The following ZFYVE28 variants were observed in gnomAD, a reference collection of about 807,000 sequenced individuals.
ZFYVE28 encodes the protein zinc finger FYVE-type containing 28.
Under a neutral mutation model 82.1 loss-of-function variants are expected in ZFYVE28, and 40 were observed. The ratio of observed to expected loss-of-function variants is 0.49; its 90% CI spans 0.38 to 0.63. The LOEUF (loss-of-function observed/expected upper bound fraction) is 0.63, where lower values mean the gene tolerates loss of function less well. Among genes scored for constraint, ZFYVE28 ranks in the 30% least tolerant of loss-of-function variants. ZFYVE28 has a pLI of 0.00. For missense variants in ZFYVE28, 1,321 were observed against 1,242.1 expected (o/e 1.06, Z -0.96); for synonymous variants, 612 against 546.1 (o/e 1.12, Z -1.68).
At position 2,320,297 on chromosome 4, in the gene ZFYVE28, A is replaced by C; in HGVS notation, c.702-26T>G. On this transcript the variant is annotated intron_variant, in intron 6 of 12. Coordinates refer to ENST00000290974, the MANE Select transcript of ZFYVE28 (RefSeq NM_020972.3). The surrounding 1 kb of genome is among the most constrained non-coding windows in gnomAD (Gnocchi z 5.1). ...CTGCATTTGAGACACAAAAGCCAGG[A>C]TGTCAGGCCCTGTGGCCCCCTGGGT... is the stretch of plus-strand genomic sequence containing the variant. The C allele has an allele frequency of 6.2e-7, 1 of 1,606,692 alleles. No homozygotes were observed. The highest frequency in any genetic ancestry group is 8.5e-7 in the Non-Finnish European group (1 of 1,175,406).
chr4:2,391,455 CTTTTTT>C lies in ZFYVE28; in HGVS notation c.39+26824_39+26829del, dbSNP rs140103966. On this transcript the variant is annotated intron_variant, in intron 1 of 12. Transcript: ENST00000290974. ...AGCTAGCACTTAGGAGGTCAATTAT[CTTTTTT>C]TTTTTTTTTTTTTTTACTGTGGTAA... Among the ~76,000 whole-genome samples the C allele has an allele frequency of 2.6e-5, 3 of 117,224 alleles. No homozygotes were observed. The South Asian group carries it at 8.7e-4, about 34-fold the overall frequency. 76.9% of individuals were successfully genotyped at this position (117,224 alleles called of 152,430 possible). A position where few individuals can be genotyped will look rare whatever the true frequency, so the allele number is the denominator to read the frequency against.
At chr4:2,273,825 C>T (rs1005001302) in intron 9 of ZFYVE28, among the ~76,000 whole-genome samples, 2 of 152,112 alleles carry the variant, frequency 1.3e-5, no homozygotes, top group Non-Finnish European at 2.9e-5. Context: ...CTGCCCCCGC[C>T]GCCACTCCCT....
intron 1 of ZFYVE28, among the ~76,000 whole-genome samples, chr4:2,355,685 C>T (rs1052822491): frequency 6.6e-6 from 1 of 152,160 alleles, no homozygotes; most frequent in Non-Finnish European, 1.5e-5. Context: ...TCAAGAGATC[C>T]TCCTGCCTCA....
At chr4:2,279,515 C>T (rs1487529186) in intron 8 of ZFYVE28, among the ~76,000 whole-genome samples, 1 of 152,166 alleles carries the variant, frequency 6.6e-6, no homozygotes, top group Non-Finnish European at 1.5e-5. Context: ...TGCAGTGGCT[C>T]ACACCTGTAA....
At chr4:2,314,550 T>G (rs903044540) in intron 7 of ZFYVE28, among the ~76,000 whole-genome samples, 2 of 152,238 alleles carry the variant, frequency 1.3e-5, no homozygotes, top group Non-Finnish European at 2.9e-5. Context: ...TATTTTAGTG[T>G]TATCCTAATA....
intron 1 of ZFYVE28, among the ~76,000 whole-genome samples, chr4:2,366,970 G>A (rs1246111071): frequency 1.3e-5 from 2 of 152,190 alleles, no homozygotes; most frequent in Admixed American, 6.5e-5. Flanking sequence ...CTAGCAAAGC[G>A]TTTTCAAAGG....
chr4:2,310,065 G>C (rs150871057), intron 7 of ZFYVE28, among the ~76,000 whole-genome samples: 3 of 151,680 alleles, frequency 2.0e-5, no homozygotes, highest in Middle Eastern at 3.4e-3. Flanking sequence ...TTGAGATAAT[G>C]TCTTGCGCTG....
chr4:2,335,797 G>A lies in ZFYVE28; in HGVS notation c.612-3C>T. The A allele has an allele frequency of 6.4e-7, 1 of 1,557,426 alleles. No individual in the cohort carries two copies. Among genetic ancestry groups the A allele is most frequent in the Non-Finnish European group, 8.7e-7 (1 of 1,150,330 alleles). The stretch of plus-strand genomic sequence containing the variant: ...TCAGGTACCCGAAGTCCAGGGCCCT[G>A]TCCGGGGAGACGGACAGTGAGCAGC... On this transcript the variant is annotated splice_region_variant and splice_polypyrimidine_tract_variant and intron_variant, in intron 5 of 12. Coordinates refer to ENST00000290974, the MANE Select transcript of ZFYVE28 (RefSeq NM_020972.3). The surrounding 1 kb of genome is among the most constrained non-coding windows in gnomAD (Gnocchi z 5.8).
At chr4:2,403,938 C>T (rs1337903401) in intron 1 of ZFYVE28, among the ~76,000 whole-genome samples, 1 of 148,388 alleles carries the variant, frequency 6.7e-6, no homozygotes, top group African/African-American at 2.5e-5. Flanking sequence ...CATTGCACTC[C>T]AGCCTGGGTG....
intron 10 of ZFYVE28, among the ~76,000 whole-genome samples, chr4:2,272,907 C>T (rs539322439): frequency 6.6e-6 from 1 of 152,338 alleles, no homozygotes; most frequent in Admixed American, 6.5e-5. Context: ...CCCATCTGCT[C>T]GTTTGCAGGG....
At chr4:2,358,674 A>G (rs777426627) in intron 1 of ZFYVE28, among the ~76,000 whole-genome samples, 1 of 152,146 alleles carries the variant, frequency 6.6e-6, no homozygotes, top group Non-Finnish European at 1.5e-5. Flanking sequence ...GTGGGGTTGG[A>G]TGAGGCAGAT....
chr4:2,384,916 G>C (rs79132652), intron 1 of ZFYVE28, among the ~76,000 whole-genome samples: 10 of 152,248 alleles, frequency 6.6e-5, no homozygotes, highest in Non-Finnish European at 1.2e-4. Context: ...CCTAGACTTG[G>C]GGGGAGGGGA....
rs1028476911 is a variant in ZFYVE28, at chr4:2,312,620, C to T, written c.804-7084G>A. Among the ~76,000 whole-genome samples, 11 of 149,656 alleles carry T rather than the reference C, an allele frequency of 7.4e-5. No homozygotes were observed. The South Asian group carries it at 2.1e-3, about 29-fold the overall frequency. On this transcript the variant is annotated intron_variant, in intron 7 of 12. Transcript: ENST00000290974. ...GCGGGCGCCTGTAGTCCCAGCTACT[C>T]GGGAGGCTGAGGCAGGAGAATGGCA...
chr4:2,284,135 G>A (rs945257112), intron 8 of ZFYVE28, among the ~76,000 whole-genome samples: 1 of 152,360 alleles, frequency 6.6e-6, no homozygotes, highest in African/African-American at 2.4e-5. Context: ...CGACAGCTCA[G>A]GCTCGCTGTG....
At chr4:2,405,210 G>A (rs934021495) in intron 1 of ZFYVE28, among the ~76,000 whole-genome samples, 1 of 152,176 alleles carries the variant, frequency 6.6e-6, no homozygotes, top group Non-Finnish European at 1.5e-5. Flanking sequence ...GGGCCTTCAG[G>A]AGAGAAGCCA....
At position 2,304,393 on chromosome 4, in the gene ZFYVE28, C is replaced by G. The variant is rs1425546548; in HGVS notation, c.1947G>C (p.Leu649=). The change falls in exon 8 of 13, where the codon CTG becomes CTC. Residue 649 remains leucine (L), a synonymous_variant. Coordinates refer to ENST00000290974, the MANE Select transcript of ZFYVE28 (RefSeq NM_020972.3). ...SGSQVDTASG[L]QGEAGVAGQQ... ...GACCTGCAACCCCAGCCTCTCCTTG[C>G]AGCCCACTCGCTGTGTCCACCTGGG... 3 of 1,612,884 alleles carry G rather than the reference C, an allele frequency of 1.9e-6. No homozygotes were observed. The highest frequency in any genetic ancestry group is 2.5e-6 in the Non-Finnish European group (3 of 1,180,010).
At chr4:2,348,241 A>T (rs970373777) in intron 2 of ZFYVE28, among the ~76,000 whole-genome samples, 1 of 152,206 alleles carries the variant, frequency 6.6e-6, no homozygotes, top group African/African-American at 2.4e-5. Context: ...TAAACTACCA[A>T]ATCTCTCTCA....
chr4:2,388,223 T>A (rs1216093093), intron 1 of ZFYVE28, among the ~76,000 whole-genome samples: 1 of 152,182 alleles, frequency 6.6e-6, no homozygotes, highest in Non-Finnish European at 1.5e-5. Context: ...ACATAAAAAC[T>A]GGCAATCACG....
intron 12 of ZFYVE28, 53 bp from the exon 13 acceptor site, chr4:2,270,909 C>T (rs1735849741): frequency 6.4e-7 from 1 of 1,573,862 alleles, no homozygotes; most frequent in Admixed American, 1.8e-5. Context: ...CCCACCCACC[C>T]TGGCTCCTCG....
Sources: allele counts gnomAD v4.1 joint callset (sites outside exome capture counted in the v4.1 genomes callset), GRCh38; gene constraint gnomAD v4.1.1; non-coding constraint Gnocchi (gnomAD v3.1); transcripts MANE v1.5; gene names NCBI Gene and HGNC (gene_info 2026-07-23, HGNC 2026-07-21).